The following TMEM181 variants were observed in gnomAD, a reference collection of about 807,000 sequenced individuals.
The protein encoded by TMEM181 is transmembrane protein 181.
TMEM181 carries 39 observed loss-of-function variants against 71.9 expected under a neutral mutation model. That is an observed-to-expected ratio of 0.54 (90% CI 0.42 to 0.71). The LOEUF (loss-of-function observed/expected upper bound fraction) is 0.71, where lower values mean the gene tolerates loss of function less well. Among genes scored for constraint, TMEM181 ranks in the 30% least tolerant of loss-of-function variants. The pLI is 0.00. For missense variants in TMEM181, 595 were observed against 583.0 expected (o/e 1.02, Z -0.21); for synonymous variants, 245 against 228.8 (o/e 1.07, Z -0.64).
At chr6:158,579,892 A>G (rs373865684) in intron 2 of TMEM181, among the ~76,000 whole-genome samples, 7 of 152,226 alleles carry the variant, frequency 4.6e-5, no homozygotes, top group African/African-American at 1.7e-4. Flanking sequence ...GACAGAAAGT[A>G]GAGTGGTGGC....
At chr6:158,600,022 G>A (rs567986600) in intron 6 of TMEM181, among the ~76,000 whole-genome samples, 24 of 152,320 alleles carry the variant, frequency 1.6e-4, no homozygotes, top group Middle Eastern at 3.4e-3. Flanking sequence ...TGAAGGCGCC[G>A]CGTGCCTCCT....
At chr6:158,573,599 C>A in intron 2 of TMEM181, 76 bp downstream of exon 2, 1 of 1,270,736 alleles carries the variant, frequency 7.9e-7, no homozygotes, top group Non-Finnish European at 1.1e-6. Flanking sequence ...GTCAGCCCAG[C>A]TGTGCCCCTA....
rs76893081 is a variant in TMEM181, at chr6:158,607,501, G to A, written c.673+158G>A. On this transcript the variant is annotated intron_variant, in intron 8 of 16. Coordinates refer to ENST00000684151, the MANE Select transcript of TMEM181 (RefSeq NM_001376852.1). The stretch of plus-strand genomic sequence containing the variant: ...AACACCAGCCTGGGTAACATAGCAA[G>A]ACTCTACAAAAAATAAAATTTAGCT... Among the ~76,000 whole-genome samples the A allele has an allele frequency of 3.3e-5, 5 of 152,264 alleles. No homozygotes were observed. In the East Asian group the frequency reaches 9.7e-4, roughly 29 times the overall value.
chr6:158,561,169 C>T (rs7754383), intron 1 of TMEM181, among the ~76,000 whole-genome samples: 19,453 of 152,226 alleles, frequency 0.13, 1,602 homozygotes, highest in African/African-American at 0.23. Context: ...TTGCTGATTT[C>T]TCTGGCTGTG....
chr6:158,589,548 T>A, intron 5 of TMEM181, 124 bp from the exon 6 acceptor site: 1 of 681,344 alleles, frequency 1.5e-6, no homozygotes, highest in East Asian at 2.7e-5. Flanking sequence ...TCTGGGCTTT[T>A]GGCGAGTTCC....
At position 158,564,964 on chromosome 6, in the gene TMEM181, T is replaced by C. The variant is rs372244640; in HGVS notation, c.8+4732T>C. ...TGAGTTGAACAAGCAGCAGGATGTG[T>C]AGTACCAGAAGTTCTCGGTCTTACC... On this transcript the variant is annotated intron_variant, in intron 1 of 16. Coordinates refer to ENST00000684151, the MANE Select transcript of TMEM181 (RefSeq NM_001376852.1). Among the ~76,000 whole-genome samples the C allele has an allele frequency of 1.6e-4, 25 of 152,328 alleles. No individual in the cohort carries two copies. The East Asian group carries it at 4.6e-3, about 28-fold the overall frequency.
At chr6:158,599,931 A>G (rs1004599066) in intron 6 of TMEM181, among the ~76,000 whole-genome samples, 7 of 152,214 alleles carry the variant, frequency 4.6e-5, no homozygotes, top group African/African-American at 1.7e-4. Flanking sequence ...CCAGAGAGTC[A>G]GAACATGTGG....
chr6:158,560,152 C>T lies in TMEM181; in HGVS notation c.-73C>T. ...GCTCCGGCTCCGGCTGCGGCTGCCG[C>T]TGCCGAGGCTGCTGCGCGGCGCCTG... On this transcript the variant is annotated 5_prime_UTR_variant, in exon 1 of 17. Coordinates refer to ENST00000684151, the MANE Select transcript of TMEM181 (RefSeq NM_001376852.1). The T allele has an allele frequency of 1.0e-6, 1 of 984,870 alleles. No homozygotes were observed. The highest frequency in any genetic ancestry group is 1.2e-6 in the Non-Finnish European group (1 of 829,724). 61.0% of individuals were successfully genotyped at this position (984,870 alleles called of 1,614,324 possible).
At chr6:158,568,312 A>T (rs1457741475) in intron 1 of TMEM181, among the ~76,000 whole-genome samples, 1 of 151,608 alleles carries the variant, frequency 6.6e-6, no homozygotes, top group Non-Finnish European at 1.5e-5. Context: ...CTAGGTGAAA[A>T]CGTGTTGGGC....
intron 10 of TMEM181, among the ~76,000 whole-genome samples, chr6:158,622,142 C>T (rs914721960): frequency 2.0e-5 from 3 of 152,206 alleles, no homozygotes; most frequent in Non-Finnish European, 4.4e-5. Context: ...ACCTCCCCAG[C>T]GCCTGCCCTC....
intron 1 of TMEM181, among the ~76,000 whole-genome samples, chr6:158,544,182 A>AGAGAGAGAGAGTGTGTGTGT (rs149735409): frequency 8.2e-4 from 105 of 127,650 alleles, no homozygotes; most frequent in Non-Finnish European, 1.3e-3. Context: ...AATTGGAGAG[A>AGAGAGAGAGAGTGTGTGTGT]GTGTGTGTGT....
At chr6:158,584,740 GA>G (rs1163248903) in intron 4 of TMEM181, among the ~76,000 whole-genome samples, 1 of 151,986 alleles carries the variant, frequency 6.6e-6, no homozygotes, top group Non-Finnish European at 1.5e-5. Flanking sequence ...TATATATTAC[GA>G]AAAAATTATC....
chr6:158,582,350 A>G (rs77323806), intron 3 of TMEM181, among the ~76,000 whole-genome samples: 4,204 of 152,314 alleles, frequency 0.028, 79 homozygotes, highest in Non-Finnish European at 0.043. Context: ...CTAAGACAGT[A>G]GCTCATTCCT....
At chr6:158,588,762 T>G (rs1783931465) in intron 5 of TMEM181, among the ~76,000 whole-genome samples, 1 of 152,244 alleles carries the variant, frequency 6.6e-6, no homozygotes, top group Non-Finnish European at 1.5e-5. Context: ...TCTTGTCTTT[T>G]TTAAGCCTGC....
At chr6:158,587,965 T>C (rs1783875313) in intron 5 of TMEM181, among the ~76,000 whole-genome samples, 1 of 152,210 alleles carries the variant, frequency 6.6e-6, no homozygotes, top group African/African-American at 2.4e-5. Context: ...GTATAGTCCT[T>C]AGCCACCCCT....
At chr6:158,606,809 C>T (rs943026166) in intron 7 of TMEM181, among the ~76,000 whole-genome samples, 47 of 152,198 alleles carry the variant, frequency 3.1e-4, no homozygotes, top group Middle Eastern at 3.2e-3. Flanking sequence ...GTAGCAGTTG[C>T]GCTGCCGGGA....
chr6:158,628,550 G>A, intron 14 of TMEM181, 60 bp downstream of exon 14: 9 of 1,502,348 alleles, frequency 6.0e-6, no homozygotes, highest in Non-Finnish European at 8.3e-6. Flanking sequence ...GCAGCAGTTA[G>A]TGGCTCAGAT....
chr6:158,587,371 A>G (rs1280727973), intron 5 of TMEM181, among the ~76,000 whole-genome samples: 1 of 151,942 alleles, frequency 6.6e-6, no homozygotes, highest in Non-Finnish European at 1.5e-5. Flanking sequence ...ACACTGTGTT[A>G]CCCCTTGGGA....
At chr6:158,560,342 G>A in intron 1 of TMEM181, 110 bp downstream of exon 1, 1 of 981,912 alleles carries the variant, frequency 1.0e-6, no homozygotes, top group Non-Finnish European at 1.2e-6. Flanking sequence ...GCGCCCACGT[G>A]GAACTGGGGG....
Sources: allele counts gnomAD v4.1 joint callset (sites outside exome capture counted in the v4.1 genomes callset), GRCh38; gene constraint gnomAD v4.1.1; transcripts MANE v1.5; gene names NCBI Gene and HGNC (gene_info 2026-07-23, HGNC 2026-07-21).